FSHR: variants seen among roughly 807,000 people sequenced by gnomAD.
The protein encoded by FSHR is follicle-stimulating hormone receptor.
FSHR carries 46 observed loss-of-function variants against 52.1 expected under a neutral mutation model. That is an observed-to-expected ratio of 0.88 (90% CI 0.70 to 1.13). FSHR has a LOEUF of 1.13. Among genes scored for constraint, FSHR ranks in the 50% most tolerant of loss-of-function variants. The probability of loss-of-function intolerance (pLI) is 0.00; values close to 1 mark genes in which losing one functional copy is unlikely to be tolerated. For synonymous variants in FSHR, 399 were observed against 309.6 expected (o/e 1.29, Z -3.03); for missense variants, 964 against 834.6 (o/e 1.16, Z -1.91).
chr2:48,975,461 C>T (rs748782802), intron 8 of FSHR, among the ~76,000 whole-genome samples: 2 of 152,156 alleles, frequency 1.3e-5, no homozygotes, highest in Admixed American at 1.3e-4. Context: ...TGTCTGTCTC[C>T]TTGTTGACAC....
At chr2:49,015,777 C>T (rs369965520) in intron 4 of FSHR, among the ~76,000 whole-genome samples, 34 of 152,224 alleles carry the variant, frequency 2.2e-4, no homozygotes, top group South Asian at 6.2e-4. Context: ...GGACTGGCTA[C>T]GTAATTTGTG....
chr2:49,116,242 C>G (rs545075176), intron 1 of FSHR, among the ~76,000 whole-genome samples: 69 of 152,108 alleles, frequency 4.5e-4, no homozygotes, highest in African/African-American at 1.7e-3. Context: ...AATAGGGAAC[C>G]CTGAGAGGTT....
intron 1 of FSHR, among the ~76,000 whole-genome samples, chr2:49,102,273 T>G (rs2103727754): frequency 6.6e-6 from 1 of 152,312 alleles, no homozygotes; most frequent in South Asian, 2.1e-4. Context: ...ATAGTCATCC[T>G]CCTTTGGGAC....
At chr2:48,966,091 T>G (rs577951801) in intron 9 of FSHR, among the ~76,000 whole-genome samples, 1 of 152,208 alleles carries the variant, frequency 6.6e-6, no homozygotes, top group African/African-American at 2.4e-5. Flanking sequence ...CTCTGAGCCT[T>G]AGTTTCTGTC....
chr2:48,971,894 A>C (rs1421246496), intron 8 of FSHR, among the ~76,000 whole-genome samples: 3 of 152,150 alleles, frequency 2.0e-5, no homozygotes, highest in Non-Finnish European at 4.4e-5. Flanking sequence ...CATGACCTCC[A>C]ACTTTAGGAG....
chr2:49,135,201 G>T (rs1672444173), intron 1 of FSHR, among the ~76,000 whole-genome samples: 1 of 151,324 alleles, frequency 6.6e-6, no homozygotes, highest in South Asian at 2.1e-4. Flanking sequence ...CTCCAGGATA[G>T]ACCATATGCT....
chr2:49,118,983 G>C (rs532788400), intron 1 of FSHR, among the ~76,000 whole-genome samples: 17 of 152,158 alleles, frequency 1.1e-4, no homozygotes, highest in African/African-American at 4.1e-4. Context: ...TTTCCCACTT[G>C]TCCTTGCATT....
chr2:49,069,892 G>A (rs900539114), intron 1 of FSHR, among the ~76,000 whole-genome samples: 1 of 152,140 alleles, frequency 6.6e-6, no homozygotes, highest in Non-Finnish European at 1.5e-5. Flanking sequence ...GACTTGGATA[G>A]TTTCATAAAT....
chr2:49,058,985 G>C (rs1041235472), intron 2 of FSHR, among the ~76,000 whole-genome samples: 1 of 152,148 alleles, frequency 6.6e-6, no homozygotes, highest in African/African-American at 2.4e-5. Flanking sequence ...GGGGCAGAAT[G>C]ATCCCTTGAG....
chr2:49,026,752 T>G (rs1667922925), intron 2 of FSHR, among the ~76,000 whole-genome samples: 1 of 152,116 alleles, frequency 6.6e-6, no homozygotes, highest in Non-Finnish European at 1.5e-5. Flanking sequence ...TCAATACATT[T>G]TATTATTTTT....
chr2:49,071,470 C>T (rs377676799), intron 1 of FSHR, among the ~76,000 whole-genome samples: 4 of 151,866 alleles, frequency 2.6e-5, no homozygotes, highest in African/African-American at 7.3e-5. Context: ...TACTTCTGAA[C>T]AAATTTAATT....
chr2:49,043,765 G>C (rs1409108925), intron 2 of FSHR, among the ~76,000 whole-genome samples: 1 of 152,166 alleles, frequency 6.6e-6, no homozygotes, highest in Non-Finnish European at 1.5e-5. Flanking sequence ...GGAGCCCACT[G>C]TGCATAATGG....
At chr2:49,005,904 G>A (rs553345420) in intron 4 of FSHR, among the ~76,000 whole-genome samples, 3 of 152,224 alleles carry the variant, frequency 2.0e-5, no homozygotes, top group African/African-American at 7.2e-5. Context: ...CAGTGGGCTG[G>A]GAAAGGCAGA....
At chr2:49,120,235 C>A (rs1423671501) in intron 1 of FSHR, among the ~76,000 whole-genome samples, 2 of 152,190 alleles carry the variant, frequency 1.3e-5, no homozygotes, top group South Asian at 2.1e-4. Context: ...CATGCCACTG[C>A]ACTCCAGCCT....
chr2:48,986,724 T>G (rs1307110242), intron 6 of FSHR, among the ~76,000 whole-genome samples: 1 of 152,194 alleles, frequency 6.6e-6, no homozygotes, highest in East Asian at 1.9e-4. Context: ...TATGTTTCCC[T>G]TGTAGCTTTG....
chr2:49,097,294 C>CTA (rs1290706654), intron 1 of FSHR, among the ~76,000 whole-genome samples: 1 of 151,970 alleles, frequency 6.6e-6, no homozygotes, highest in Non-Finnish European at 1.5e-5. Context: ...ATCTGTGGGT[C>CTA]TATGTCTTTC....
intron 1 of FSHR, among the ~76,000 whole-genome samples, chr2:49,096,746 A>T (rs1670834142): frequency 6.6e-6 from 1 of 152,112 alleles, no homozygotes; most frequent in Admixed American, 6.6e-5. Context: ...AGTATTGGAG[A>T]TGGGGCCTGG....
At chr2:49,021,517 A>C (rs2104224446) in intron 2 of FSHR, among the ~76,000 whole-genome samples, 1 of 151,890 alleles carries the variant, frequency 6.6e-6, no homozygotes, top group Admixed American at 6.6e-5. Context: ...AGTTCTAGAA[A>C]GGCTCTTGAT....
At chr2:49,135,123 A>G (rs944909621) in intron 1 of FSHR, among the ~76,000 whole-genome samples, 1 of 152,182 alleles carries the variant, frequency 6.6e-6, no homozygotes, top group African/African-American at 2.4e-5. Flanking sequence ...GACCTAACAG[A>G]CATGTATATA....
Sources: allele counts gnomAD v4.1 joint callset (sites outside exome capture counted in the v4.1 genomes callset), GRCh38; gene constraint gnomAD v4.1.1; transcripts MANE v1.5; gene names NCBI Gene and HGNC (gene_info 2026-07-23, HGNC 2026-07-21).